Variants in PDE1B observed in about 807,000 individuals in gnomAD.
PDE1B encodes the protein phosphodiesterase 1B.
PDE1B carries 13 observed loss-of-function variants against 66.7 expected under a neutral mutation model. The observed-to-expected ratio is 0.19, with a 90% CI of 0.13 to 0.31. PDE1B has a LOEUF of 0.31. PDE1B is among the 10% of genes least tolerant of loss of function. The pLI, the probability that PDE1B is intolerant of heterozygous loss-of-function variation, is 1.00. For synonymous variants in PDE1B, 230 were observed against 253.9 expected (o/e 0.91, Z 0.90); for missense variants, 485 against 682.3 (o/e 0.71, Z 3.22).
intron 2 of PDE1B, among the ~76,000 whole-genome samples, chr12:54,558,584 G>T (rs969427680): frequency 2.6e-5 from 4 of 152,168 alleles, no homozygotes; most frequent in Non-Finnish European, 5.9e-5. Flanking sequence ...GTGGAGAGCT[G>T]GTTGTTCTTG....
rs1454460079 is a variant in PDE1B, at chr12:54,575,500, G to T, written c.1186-51G>T. The stretch of plus-strand genomic sequence containing the variant: ...CACTTGCCACCTGTACCCCAGATCT[G>T]GTAGGTCTGAGGTATCCTCTCCAGC... On this transcript the variant is annotated intron_variant, in intron 11 of 15. Transcript: ENST00000243052. This position sits in a 1 kb window ranked among gnomAD's most constrained non-coding sequence, Gnocchi z 4.0. The T allele has an allele frequency of 2.3e-6, 3 of 1,288,396 alleles. No homozygotes were observed. Among genetic ancestry groups the T allele is most frequent in the East Asian group, 4.6e-5 (2 of 43,136 alleles). 79.8% of individuals were successfully genotyped at this position (1,288,396 alleles called of 1,614,324 possible).
chr12:54,557,005 C>T (rs1298771150), intron 2 of PDE1B, among the ~76,000 whole-genome samples: 1 of 152,090 alleles, frequency 6.6e-6, no homozygotes, highest in Non-Finnish European at 1.5e-5. Flanking sequence ...TTTATCAACT[C>T]CTGCATATCT....
In PDE1B at chr12:54,578,235, A is replaced by G; in HGVS notation, c.*393A>G. 1 of 152,370 alleles carries G rather than the reference A, an allele frequency of 6.6e-6. No individual in the cohort carries two copies. Among genetic ancestry groups the G allele is most frequent in the Non-Finnish European group, 1.5e-5 (1 of 68,116 alleles). The allele number at this position is 152,370 out of a possible 1,614,324, so 9.4% of individuals were successfully genotyped here. On this transcript the variant is annotated 3_prime_UTR_variant, in exon 16 of 16. Transcript: ENST00000243052. The stretch of plus-strand genomic sequence containing the variant: ...CATCCTTTTTGCCTCCAAGTTTCTA[A>G]GCAATACATTTTGGGGGTTCCCTCA...
chr12:54,563,916 A>G (rs1250180763), intron 2 of PDE1B, among the ~76,000 whole-genome samples: 1 of 151,886 alleles, frequency 6.6e-6, no homozygotes, highest in Non-Finnish European at 1.5e-5. Context: ...GGAGGCCTCA[A>G]GCTGAGGATT....
chr12:54,576,886 T>TG, intron 14 of PDE1B, 185 bp downstream of exon 14: 1 of 655,006 alleles, frequency 1.5e-6, no homozygotes, highest in East Asian at 2.7e-5. Context: ...GTTCTAAGAA[T>TG]GGGGGCCGTA....
rs566301786 is a variant in PDE1B at position 54,573,882 on chromosome 12, T to A, written c.1064+173T>A. ...GAGAGAGAGAGAGAGTGTGTGTGTG[T>A]GTGTGTGTGTGTGTGTGTGTGTGTG... On this transcript the variant is annotated intron_variant, in intron 10 of 15. Transcript: ENST00000243052. The surrounding 1 kb of genome is among the most constrained non-coding windows in gnomAD (Gnocchi z 5.2). 16,616 of 539,462 alleles carry A rather than the reference T, an allele frequency of 0.031. 188 individuals carry two copies. Among genetic ancestry groups the A allele is most frequent in the Middle Eastern group, 0.065 (130 of 1,990 alleles). 33.4% of individuals were successfully genotyped at this position (539,462 alleles called of 1,614,324 possible).
chr12:54,553,626 G>A (rs1469997659), intron 2 of PDE1B, among the ~76,000 whole-genome samples: 1 of 152,192 alleles, frequency 6.6e-6, no homozygotes, highest in Non-Finnish European at 1.5e-5. Context: ...CATATGTTAC[G>A]AGGTCCAGTT....
intron 2 of PDE1B, among the ~76,000 whole-genome samples, chr12:54,550,380 G>C (rs1413829972): frequency 6.6e-6 from 1 of 152,250 alleles, no homozygotes; most frequent in Non-Finnish European, 1.5e-5. Context: ...GTGTGCATGA[G>C]TGAGCGTGGG....
At chr12:54,550,169 A>G (rs1041523588) in intron 2 of PDE1B, 184 bp downstream of exon 2, 81 of 1,419,178 alleles carry the variant, frequency 5.7e-5, no homozygotes, top group Non-Finnish European at 7.4e-5. Flanking sequence ...TGTGCGGAGC[A>G]AGCTGGCCAG....
chr12:54,562,974 T>TCAACCTA (rs1248289136), intron 2 of PDE1B, among the ~76,000 whole-genome samples: 1 of 152,206 alleles, frequency 6.6e-6, no homozygotes, highest in Non-Finnish European at 1.5e-5. Flanking sequence ...GTGCTTGAAG[T>TCAACCTA]CAACCTACAA....
chr12:54,559,539 G>C (rs1307726606), intron 2 of PDE1B, among the ~76,000 whole-genome samples: 2 of 151,998 alleles, frequency 1.3e-5, no homozygotes, highest in African/African-American at 4.8e-5. Flanking sequence ...CCTCAGGAAG[G>C]GATGATGGTT....
chr12:54,572,767 T>G (rs759811283), intron 7 of PDE1B, 26 bp downstream of exon 7: 1 of 1,610,332 alleles, frequency 6.2e-7, no homozygotes, highest in Non-Finnish European at 8.5e-7. Context: ...ATGATTCTTC[T>G]GTGATTCAGG....
chr12:54,570,452 C>T (rs867162852), intron 6 of PDE1B, 95 bp downstream of exon 6: 2 of 772,138 alleles, frequency 2.6e-6, no homozygotes. Flanking sequence ...CCATAGATCC[C>T]CTCACTCAGT....
At chr12:54,567,528 TA>T (rs368768683) in intron 3 of PDE1B, among the ~76,000 whole-genome samples, 3 of 113,426 alleles carry the variant, frequency 2.6e-5, no homozygotes, top group African/African-American at 8.6e-5. Flanking sequence ...AATAAATAAA[TA>T]AAAAAAATAA....
intron 2 of PDE1B, among the ~76,000 whole-genome samples, chr12:54,565,788 C>T (rs1462699699): frequency 1.3e-5 from 2 of 152,180 alleles, no homozygotes; most frequent in Non-Finnish European, 2.9e-5. Context: ...TCCAAAGCTG[C>T]CGAGACCCCG....
chr12:54,574,537 G>A (rs1017940992), intron 10 of PDE1B: 3 of 152,322 alleles, frequency 2.0e-5, no homozygotes, highest in Non-Finnish European at 2.9e-5. Flanking sequence ...CGGCTAACAT[G>A]TGGTAGGTAT....
rs1957594547 is a variant in PDE1B at position 54,570,333 on chromosome 12, G to A, written c.570G>A (p.Arg190=). ...CCATTGTTTTTGAGTTGCTGACTCGGCATAACCTCATCAGCCGCTTCAAGG... is the reference window on the plus strand; with the variant it reads ...CCATTGTTTTTGAGTTGCTGACTCGACATAACCTCATCAGCCGCTTCAAGG... ...LRTIVFELLT[R]HNLISRFKIP... The change falls in exon 6 of 16, where the codon CGG becomes CGA. Residue 190 remains arginine (R), a synonymous_variant. Transcript: ENST00000243052. 6.2e-7 allele frequency: 1 copy of A among 1,610,678 alleles called. No individual in the cohort carries two copies. The highest frequency in any genetic ancestry group is 8.5e-7 in the Non-Finnish European group (1 of 1,177,008).
chr12:54,575,559 G>A lies in PDE1B; in HGVS notation c.1194G>A (p.Lys398=). ...CCTGTTCCCTCCTCTAGGGTGACAAGGAGGCAGAGTTGGGCCTGCCCTTTT... is the reference window on the plus strand; with the variant it reads ...CCTGTTCCCTCCTCTAGGGTGACAAAGAGGCAGAGTTGGGCCTGCCCTTTT... ...LMEEFFRQGD[K]EAELGLPFSP... The change falls in exon 12 of 16, where the codon AAG becomes AAA. Residue 398 remains lysine, a synonymous_variant. Transcript: ENST00000243052. The surrounding 1 kb of genome is among the most constrained non-coding windows in gnomAD (Gnocchi z 4.0). 2 of 1,612,078 alleles carry A rather than the reference G, an allele frequency of 1.2e-6. No homozygotes were observed. The highest frequency in any genetic ancestry group is 1.7e-6 in the Non-Finnish European group (2 of 1,178,314).
chr12:54,574,974 CAA>C (rs35584396), intron 10 of PDE1B, 122 bp from the exon 11 acceptor site: 30,985 of 422,640 alleles, frequency 0.073, no homozygotes, highest in South Asian at 0.1. Flanking sequence ...GACCCTGTCT[CAA>C]AAAAAAAAAA....
Sources: allele counts gnomAD v4.1 joint callset (sites outside exome capture counted in the v4.1 genomes callset), GRCh38; gene constraint gnomAD v4.1.1; non-coding constraint Gnocchi (gnomAD v3.1); transcripts MANE v1.5; gene names NCBI Gene and HGNC (gene_info 2026-07-23, HGNC 2026-07-21).